Variants in PSEN1 observed in about 807,000 individuals in gnomAD.
PSEN1 encodes presenilin-1.
PSEN1 carries 15 observed loss-of-function variants against 53.5 expected under a neutral mutation model. That is an observed-to-expected ratio of 0.28 (90% CI 0.19 to 0.43). PSEN1 has a LOEUF of 0.43. Among genes scored for constraint, PSEN1 ranks in the 20% least tolerant of loss-of-function variants. PSEN1 has a pLI of 1.00. For synonymous variants in PSEN1, 208 were observed against 209.8 expected (o/e 0.99, Z 0.08); for missense variants, 387 against 571.2 (o/e 0.68, Z 3.29).
At chr14:73,207,242 G>A in intron 9 of PSEN1, among the ~76,000 whole-genome samples, 1 of 151,848 alleles carries the variant, frequency 6.6e-6, no homozygotes, top group East Asian at 1.9e-4. Flanking sequence ...GAGAACACAA[G>A]TTAGAAGTTG....
At chr14:73,188,132 T>G (rs894735274) in intron 6 of PSEN1, among the ~76,000 whole-genome samples, 3 of 152,160 alleles carry the variant, frequency 2.0e-5, no homozygotes, top group African/African-American at 7.2e-5. Flanking sequence ...TTTCACCATG[T>G]TGGCCAGGAT....
chr14:73,184,621 C>T (rs1236432623), intron 5 of PSEN1, among the ~76,000 whole-genome samples: 4 of 85,726 alleles, frequency 4.7e-5, no homozygotes, highest in Admixed American at 2.2e-4. Flanking sequence ...ACCTCCCGGA[C>T]GGGGCGGCTG....
intron 1 of PSEN1, among the ~76,000 whole-genome samples, chr14:73,139,739 GAAGT>G (rs1393960798): frequency 6.6e-6 from 1 of 152,150 alleles, no homozygotes; most frequent in Non-Finnish European, 1.5e-5. Flanking sequence ...TAAGTAAACA[GAAGT>G]AATACCTGAT....
intron 7 of PSEN1, 105 bp from the exon 8 acceptor site, chr14:73,197,926 C>A: frequency 1.5e-6 from 1 of 677,436 alleles, no homozygotes; most frequent in African/African-American, 1.8e-5. Flanking sequence ...TAAAAAGAGA[C>A]AAAAAACATT....
At chr14:73,163,575 C>T (rs897679387) in intron 3 of PSEN1, among the ~76,000 whole-genome samples, 1 of 152,182 alleles carries the variant, frequency 6.6e-6, no homozygotes, top group Non-Finnish European at 1.5e-5. Context: ...AAGTGACAAA[C>T]AGGAGCTACA....
intron 5 of PSEN1, among the ~76,000 whole-genome samples, chr14:73,186,137 T>A (rs1322852231): frequency 4.6e-5 from 7 of 151,982 alleles, no homozygotes; most frequent in Non-Finnish European, 7.4e-5. Context: ...CCTAGCACTT[T>A]GGGAGGCCAA....
chr14:73,198,167 G>A (rs374276284), intron 8 of PSEN1, 38 bp downstream of exon 8: 2 of 1,239,818 alleles, frequency 1.6e-6, no homozygotes, highest in African/African-American at 3.0e-5. Flanking sequence ...AGTAATCAGT[G>A]TAGAATTTAT....
chr14:73,142,903 C>T (rs1178442335), intron 1 of PSEN1, among the ~76,000 whole-genome samples: 5 of 152,192 alleles, frequency 3.3e-5, no homozygotes, highest in Non-Finnish European at 7.3e-5. Context: ...GTGTTGTGCT[C>T]TGTCAGTTTG....
intron 1 of PSEN1, 55 bp from the exon 2 acceptor site, chr14:73,147,740 A>G: frequency 2.3e-6 from 1 of 437,702 alleles, no homozygotes; most frequent in South Asian, 2.1e-5. Flanking sequence ...ATTGGTTTAA[A>G]TGAATTTACT....
intron 7 of PSEN1, 170 bp from the exon 8 acceptor site, chr14:73,197,861 C>G (rs1391552196): frequency 4.9e-6 from 3 of 608,736 alleles, no homozygotes; most frequent in African/African-American, 1.9e-5. Context: ...TTGTCTCCCC[C>G]ACCCCCACCA....
intron 10 of PSEN1, among the ~76,000 whole-genome samples, chr14:73,214,845 G>A (rs962967913): frequency 6.6e-6 from 1 of 152,214 alleles, no homozygotes; most frequent in African/African-American, 2.4e-5. Flanking sequence ...AAAGAGTTCT[G>A]TGGATGGACG....
At chr14:73,154,434 C>A (rs202203280) in intron 3 of PSEN1, among the ~76,000 whole-genome samples, 8 of 147,716 alleles carry the variant, frequency 5.4e-5, no homozygotes, top group African/African-American at 1.2e-4. Flanking sequence ...CTTGTCTCTA[C>A]AAAAAAAAAA....
upstream of PSEN1, chr14:73,136,487 G>C (rs1361197649): frequency 6.5e-6 from 1 of 152,992 alleles, no homozygotes; most frequent in East Asian, 1.9e-4. Context: ...AGGCAGCTCC[G>C]GGGTCCGCGG....
Position 73,217,795 on chromosome 14 carries a change from A to ATTTTT in PSEN1, c.1248+567_1248+571dup, listed in dbSNP as rs746495189. On this transcript the variant is annotated intron_variant, in intron 11 of 11. Coordinates refer to ENST00000324501, the MANE Select transcript of PSEN1 (RefSeq NM_000021.4). The stretch of plus-strand genomic sequence containing the variant: ...GAACCCTGAAGCTTTCAAAACTATG[A>ATTTTT]TTTTTTTTTTTTTTTTTTTTGAGAC... 6.7e-4 allele frequency among the ~76,000 whole-genome samples: 84 copies of ATTTTT among 126,288 alleles called. 1 individual carries two copies. Among genetic ancestry groups the ATTTTT allele is most frequent in the African/African-American group, 2.5e-3 (82 of 32,758 alleles). 82.8% of individuals were successfully genotyped at this position (126,288 alleles called of 152,430 possible). A position where few individuals can be genotyped will look rare whatever the true frequency, so the allele number is the denominator to read the frequency against.
chr14:73,194,356 A>G (rs1331162683), intron 7 of PSEN1, among the ~76,000 whole-genome samples: 2 of 152,118 alleles, frequency 1.3e-5, no homozygotes, highest in East Asian at 1.9e-4. Context: ...TCCTGGGCTC[A>G]AACAATCCTC....
chr14:73,191,038 C>G (rs536015171), intron 6 of PSEN1, among the ~76,000 whole-genome samples: 11 of 152,268 alleles, frequency 7.2e-5, no homozygotes, highest in African/African-American at 2.4e-4. Flanking sequence ...CCTCAGTTAC[C>G]TCAGGCATCT....
intron 10 of PSEN1, among the ~76,000 whole-genome samples, chr14:73,214,729 A>C (rs1819337535): frequency 6.6e-6 from 1 of 152,190 alleles, no homozygotes; most frequent in African/African-American, 2.4e-5. Flanking sequence ...GTATGATTCC[A>C]CTTACATCAG....
At chr14:73,190,472 C>T (rs7152131) in intron 6 of PSEN1, among the ~76,000 whole-genome samples, 5 of 146,102 alleles carry the variant, frequency 3.4e-5, no homozygotes, top group African/African-American at 1.3e-4. Context: ...GACAGTCAGA[C>T]CTTGTCTCTA....
At chr14:73,199,196 A>G (rs555187174) in intron 8 of PSEN1, among the ~76,000 whole-genome samples, 1 of 152,344 alleles carries the variant, frequency 6.6e-6, no homozygotes, top group South Asian at 2.1e-4. Context: ...GAAATGAAAT[A>G]CTAGAGCTTG....
Sources: allele counts gnomAD v4.1 joint callset (sites outside exome capture counted in the v4.1 genomes callset), GRCh38; gene constraint gnomAD v4.1.1; transcripts MANE v1.5; gene names NCBI Gene and HGNC (gene_info 2026-07-23, HGNC 2026-07-21).